Variants in EZH1 observed in about 807,000 individuals in gnomAD.
EZH1 encodes histone-lysine N-methyltransferase EZH1.
EZH1 carries 33 observed loss-of-function variants against 100.5 expected under a neutral mutation model. The ratio of observed to expected loss-of-function variants is 0.33; its 90% CI spans 0.25 to 0.44. EZH1 has a LOEUF of 0.44. Ranked by LOEUF, EZH1 falls within the 20% of genes least tolerant of loss-of-function variation. The probability of loss-of-function intolerance (pLI) is 1.00; values close to 1 mark genes in which losing one functional copy is unlikely to be tolerated. For missense variants in EZH1, 475 were observed against 928.4 expected (o/e 0.51, Z 6.35); for synonymous variants, 272 against 313.8 (o/e 0.87, Z 1.41).
At chr17:42,744,366 A>G (rs1251297545) in intron 1 of EZH1, among the ~76,000 whole-genome samples, 1 of 152,162 alleles carries the variant, frequency 6.6e-6, no homozygotes, top group Non-Finnish European at 1.5e-5. Context: ...GCGTGAGACC[A>G]AAAGTCTGGA....
chr17:42,730,622 G>A (rs974633792), intron 2 of EZH1, among the ~76,000 whole-genome samples: 1 of 139,462 alleles, frequency 7.2e-6, no homozygotes, highest in Non-Finnish European at 1.5e-5. Flanking sequence ...TCAGCCTCCC[G>A]AGTAGCTGGG....
rs558317831 is a variant in EZH1 at position 42,733,125 on chromosome 17, G to A, written c.-102-2207C>T. 4.6e-5 allele frequency among the ~76,000 whole-genome samples: 7 copies of A among 151,898 alleles called. No individual in the cohort carries two copies. In the East Asian group the frequency reaches 1.2e-3, roughly 25 times the overall value. ...GGCCGAGGCGGGCAGATCACCTGAGGGTGGGAGTTTGAGACCAGCCTGACC... is the reference window on the plus strand; with the variant it reads ...GGCCGAGGCGGGCAGATCACCTGAGAGTGGGAGTTTGAGACCAGCCTGACC... On this transcript the variant is annotated intron_variant, in intron 1 of 20. Transcript: ENST00000428826.
At chr17:42,721,653 G>T (rs981632607) in intron 6 of EZH1, among the ~76,000 whole-genome samples, 1 of 151,190 alleles carries the variant, frequency 6.6e-6, no homozygotes, top group African/African-American at 2.4e-5. Context: ...TGTTTCTGCT[G>T]CTTGAATCAG....
Position 42,706,384 on chromosome 17 carries a change from G to A in EZH1, c.1661-199C>T, listed in dbSNP as rs769868100. 1.3e-5 allele frequency among the ~76,000 whole-genome samples: 2 copies of A among 151,994 alleles called. No homozygotes were observed. The highest frequency in any genetic ancestry group is 2.9e-5 in the Non-Finnish European group (2 of 67,968). On this transcript the variant is annotated intron_variant, in intron 15 of 20. Coordinates refer to ENST00000428826, the MANE Select transcript of EZH1 (RefSeq NM_001991.5). This position sits in a 1 kb window ranked among gnomAD's most constrained non-coding sequence, Gnocchi z 4.4. ...AGTGCTTCCCAACATTCATGCCTTC[G>A]AGTCAAAAAAGCAGGTGTGGTCAAG... is the stretch of plus-strand genomic sequence containing the variant.
intron 1 of EZH1, among the ~76,000 whole-genome samples, chr17:42,734,399 T>C (rs1045254687): frequency 7.2e-5 from 11 of 152,144 alleles, no homozygotes; most frequent in African/African-American, 2.7e-4. Flanking sequence ...CATTTTCCTT[T>C]TTTCCTATTT....
intron 20 of EZH1, 73 bp from the exon 21 acceptor site, chr17:42,702,665 C>T (rs185829889): frequency 4.1e-6 from 6 of 1,447,630 alleles, no homozygotes; most frequent in East Asian, 4.8e-5. Context: ...AGTCCCCTCC[C>T]GTTTCACTTC....
chr17:42,718,548 G>A lies in EZH1; in HGVS notation c.837C>T (p.Gly279=). The A allele has an allele frequency of 6.2e-7, 1 of 1,614,208 alleles. No homozygotes were observed. The highest frequency in any genetic ancestry group is 1.1e-5 in the South Asian group (1 of 91,078). Residue 279 remains glycine (G), a synonymous_variant, in exon 9 of 21, where the codon GGC becomes GGT. Transcript: ENST00000428826. This position sits in a 1 kb window ranked among gnomAD's most constrained non-coding sequence, Gnocchi z 4.2. ...LPPQCTPNID[G]PNAKSVQREQ... ...CCCGCTGCACAGACTTGGCATTGGG[G>A]CCATCGATGTTGGGTGTGCACTGAG... is the stretch of plus-strand genomic sequence containing the variant.
Position 42,706,085 on chromosome 17 carries a change from G to A in EZH1, c.1761C>T (p.Leu587=). 6.2e-7 allele frequency: 1 copy of A among 1,614,114 alleles called. No individual in the cohort carries two copies. The change falls in exon 16 of 21, where the codon CTC becomes CTT. Residue 587 remains leucine (L), a synonymous_variant. Transcript: ENST00000428826. This position sits in a 1 kb window ranked among gnomAD's most constrained non-coding sequence, Gnocchi z 4.4. ...AVRECDPDLC[L]TCGASEHWDC... is the part of the protein sequence containing the mutation. Reference sequence around the variant, plus strand: ...CCCAGTGCTCTGAGGCCCCACAGGTGAGACACAGGTCAGGGTCACATTCTC... The same window carrying A: ...CCCAGTGCTCTGAGGCCCCACAGGTAAGACACAGGTCAGGGTCACATTCTC...
chr17:42,727,141 C>T (rs781692408), intron 4 of EZH1, among the ~76,000 whole-genome samples: 2 of 151,984 alleles, frequency 1.3e-5, no homozygotes, highest in African/African-American at 2.4e-5. Context: ...TGAGCCACTG[C>T]GTCCAGCCCC....
intron 17 of EZH1, 117 bp downstream of exon 17, chr17:42,704,971 G>C: frequency 3.3e-6 from 3 of 904,140 alleles, no homozygotes; most frequent in Non-Finnish European, 5.2e-6. Flanking sequence ...AAGAGGCCAC[G>C]TGAGAACACA....
Position 42,706,632 on chromosome 17 carries a change from G to A in EZH1, c.1661-447C>T, listed in dbSNP as rs1218165748. Among the ~76,000 whole-genome samples, 5 of 151,960 alleles carry A rather than the reference G, an allele frequency of 3.3e-5. No individual in the cohort carries two copies. The highest frequency in any genetic ancestry group is 2.6e-4 in the Admixed American group (4 of 15,248). On this transcript the variant is annotated intron_variant, in intron 15 of 20. Transcript: ENST00000428826. This position sits in a 1 kb window ranked among gnomAD's most constrained non-coding sequence, Gnocchi z 4.4. ...GAGCCAGGGAGGTTGAGGCTGCAGT[G>A]AGCCATAATTGTGCCACTTCTCTCC... is the stretch of plus-strand genomic sequence containing the variant.
rs1293868316 is a variant in EZH1, at chr17:42,718,509, G to A, written c.876C>T (p.His292=). 1 of 1,614,214 alleles carries A rather than the reference G, an allele frequency of 6.2e-7. No individual in the cohort carries two copies. ...GCCGGCAAAAAAGTGTGTGGAAGGAGTGCAGAGATTGCTCCCGCTGCACAG... is the reference window on the plus strand; with the variant it reads ...GCCGGCAAAAAAGTGTGTGGAAGGAATGCAGAGATTGCTCCCGCTGCACAG... ...AKSVQREQSL[H]SFHTLFCRRC... Residue 292 remains histidine (H), a synonymous_variant, in exon 9 of 21, where the codon CAC becomes CAT. Transcript: ENST00000428826. This position sits in a 1 kb window ranked among gnomAD's most constrained non-coding sequence, Gnocchi z 4.2.
chr17:42,702,746 G>A lies in EZH1; in HGVS notation c.2183+131C>T, dbSNP rs1251248246. The A allele has an allele frequency of 2.4e-6, 3 of 1,276,468 alleles. No individual in the cohort carries two copies. The East Asian group carries it at 6.9e-5, about 30-fold the overall frequency. 79.1% of individuals were successfully genotyped at this position (1,276,468 alleles called of 1,614,324 possible). A position where few individuals can be genotyped will look rare whatever the true frequency, so the allele number is the denominator to read the frequency against. ...GCAAGGCACCAGATATCAGAACAAG[G>A]GACACAGCCTTATTCACCGGGAGAC... On this transcript the variant is annotated intron_variant, in intron 20 of 20. Coordinates refer to ENST00000428826, the MANE Select transcript of EZH1 (RefSeq NM_001991.5).
chr17:42,719,239 G>A (rs956974514), intron 7 of EZH1, 32 bp from the exon 8 acceptor site: 8 of 1,497,300 alleles, frequency 5.3e-6, no homozygotes, highest in Non-Finnish European at 3.7e-6. Context: ...GCTCCTGAGT[G>A]CGATTATCAG....
chr17:42,703,120 GTTA>G, intron 19 of EZH1, 159 bp from the exon 20 acceptor site: 7 of 640,920 alleles, frequency 1.1e-5, no homozygotes, highest in Non-Finnish European at 1.1e-5. Context: ...TTTTAGATCT[GTTA>G]TTATGGCAGA....
chr17:42,719,095 C>G lies in EZH1; in HGVS notation c.767+10G>C, dbSNP rs148258353. 2.9e-3 allele frequency: 4,645 copies of G among 1,606,646 alleles called. 9 individuals are homozygous for G. The highest frequency in any genetic ancestry group is 3.7e-3 in the Non-Finnish European group (4,304 of 1,173,398). On this transcript the variant is annotated intron_variant, in intron 8 of 20. Coordinates refer to ENST00000428826, the MANE Select transcript of EZH1 (RefSeq NM_001991.5). ...TCTGTATATGGCCTAAGTGGGACAG[C>G]TTTCCCTACCTCTCCTTCATGTCAT...
In EZH1 at chr17:42,700,422, A is replaced by T. The variant is rs2053219384; in HGVS notation, c.*2110T>A. ...CATGACGTGGTGGGGAGGGGTTGAG[A>T]CCCATCTTTAAAAGTGGGGGACAGC... On this transcript the variant is annotated 3_prime_UTR_variant, in exon 21 of 21. Coordinates refer to ENST00000428826, the MANE Select transcript of EZH1 (RefSeq NM_001991.5). 1 of 152,752 alleles carries T rather than the reference A, an allele frequency of 6.5e-6. No homozygotes were observed. Among genetic ancestry groups the T allele is most frequent in the Non-Finnish European group, 1.5e-5 (1 of 68,058 alleles). 9.5% of individuals were successfully genotyped at this position (152,752 alleles called of 1,614,324 possible). A position where few individuals can be genotyped will look rare whatever the true frequency, so the allele number is the denominator to read the frequency against.
intron 1 of EZH1, among the ~76,000 whole-genome samples, chr17:42,732,063 G>A (rs1469039371): frequency 1.3e-5 from 2 of 151,174 alleles, no homozygotes; most frequent in African/African-American, 4.9e-5. Flanking sequence ...AGGCCACAGT[G>A]AGCCATGATT....
chr17:42,727,851 T>C (rs936879253), intron 3 of EZH1, 88 bp from the exon 4 acceptor site: 1 of 1,007,832 alleles, frequency 9.9e-7, no homozygotes, highest in East Asian at 4.8e-5. Context: ...TCTTGCTCTG[T>C]TGTCACCCAG....
Sources: allele counts gnomAD v4.1 joint callset (sites outside exome capture counted in the v4.1 genomes callset), GRCh38; gene constraint gnomAD v4.1.1; non-coding constraint Gnocchi (gnomAD v3.1); transcripts MANE v1.5; gene names NCBI Gene and HGNC (gene_info 2026-07-23, HGNC 2026-07-21).